The following PTPRF variants were observed in gnomAD, a reference collection of about 807,000 sequenced individuals.
PTPRF encodes the protein protein tyrosine phosphatase receptor type F.
PTPRF carries 59 observed loss-of-function variants against 201.8 expected under a neutral mutation model. The observed-to-expected ratio is 0.29, with a 90% CI of 0.24 to 0.36. The LOEUF is 0.36. PTPRF is among the 10% of genes least tolerant of loss of function. The probability of loss-of-function intolerance (pLI) is 1.00; values close to 1 mark genes in which losing one functional copy is unlikely to be tolerated. For synonymous variants in PTPRF, 1,088 were observed against 1,089.7 expected, an observed-to-expected ratio of 1.00 and a Z score of 0.03; for missense variants, 2,132 against 2,690.5, an observed-to-expected ratio of 0.79 and a Z score of 4.59.
intron 2 of PTPRF, among the ~76,000 whole-genome samples, chr1:43,540,574 C>T (rs895938905): frequency 6.6e-6 from 1 of 152,326 alleles, no homozygotes; most frequent in East Asian, 1.9e-4. Flanking sequence ...GGTCATTTGC[C>T]TCCAGAGTTA....
Position 43,603,561 on chromosome 1 carries a change from G to A in PTPRF, c.2458+28G>A, listed in dbSNP as rs1654312928. 1.9e-6 allele frequency: 3 copies of A among 1,612,990 alleles called. No homozygotes were observed. Among genetic ancestry groups the A allele is most frequent in the African/African-American group, 1.3e-5 (1 of 74,894 alleles). ...GAGTGAGGGGTCAGGACGGACCTGA[G>A]GGTGGGGCAGCAGGAGGGCAGCGCC... On this transcript the variant is annotated intron_variant, in intron 15 of 33. Transcript: ENST00000359947. This position sits in a 1 kb window ranked among gnomAD's most constrained non-coding sequence, Gnocchi z 5.8.
chr1:43,578,252 G>C (rs1236285062), intron 6 of PTPRF, among the ~76,000 whole-genome samples: 1 of 152,236 alleles, frequency 6.6e-6, no homozygotes, highest in Non-Finnish European at 1.5e-5. Flanking sequence ...GGCGGGGAGG[G>C]GGTGGAGTAG....
rs552692335 is a variant in PTPRF, at chr1:43,570,486, T to G, written c.568+708T>G. On this transcript the variant is annotated intron_variant, in intron 6 of 33. Coordinates refer to ENST00000359947, the MANE Select transcript of PTPRF (RefSeq NM_002840.5). Reference sequence around the variant, plus strand: ...CAGCACGGCCTGGACCAATAGTCTTTGCTTCAGAAGCCCTCCTGCTAGCTA... The same window carrying G: ...CAGCACGGCCTGGACCAATAGTCTTGGCTTCAGAAGCCCTCCTGCTAGCTA... Among the ~76,000 whole-genome samples the G allele has an allele frequency of 4.6e-5, 7 of 152,384 alleles. 1 individual carries two copies. In the South Asian group the frequency reaches 1.4e-3, roughly 32 times the overall value.
At chr1:43,580,968 C>G (rs948724850) in intron 7 of PTPRF, among the ~76,000 whole-genome samples, 2 of 152,258 alleles carry the variant, frequency 1.3e-5, no homozygotes, top group African/African-American at 2.4e-5. Flanking sequence ...TGGATGGACC[C>G]CCGCATTGTC....
At chr1:43,580,074 A>AAT (rs1346580951) in intron 7 of PTPRF, 1 of 151,744 alleles carries the variant, frequency 6.6e-6, no homozygotes, top group Non-Finnish European at 1.5e-5. Flanking sequence ...AAAAAAAAAA[A>AAT]AAAAGTACAA....
At position 43,588,942 on chromosome 1, in the gene PTPRF, C is replaced by G; in HGVS notation, c.891C>G (p.Thr297=). 3 of 1,594,838 alleles carry G rather than the reference C, an allele frequency of 1.9e-6. No individual in the cohort carries two copies. The highest frequency in any genetic ancestry group is 2.6e-6 in the Non-Finnish European group (3 of 1,166,332). ...LSNVVRSANY[T]CVAISSLGMI... Reference sequence around the variant, plus strand: ...ATGTCGTACGCTCTGCCAACTACACCTGTGTGGCCATCTCCTCGCTGGGCA... The same window carrying G: ...ATGTCGTACGCTCTGCCAACTACACGTGTGTGGCCATCTCCTCGCTGGGCA... Residue 297 remains threonine (T), a synonymous_variant, in exon 8 of 34, where the codon ACC becomes ACG. Coordinates refer to ENST00000359947, the MANE Select transcript of PTPRF (RefSeq NM_002840.5). The surrounding 1 kb of genome is among the most constrained non-coding windows in gnomAD (Gnocchi z 5.3).
At chr1:43,605,707 C>G in intron 19 of PTPRF, 85 bp downstream of exon 19, 1 of 1,273,350 alleles carries the variant, frequency 7.9e-7, no homozygotes, top group South Asian at 1.2e-5. Flanking sequence ...GTCCCAGTGA[C>G]TCTCAGATTC....
At chr1:43,601,494 C>T (rs952920651) in intron 13 of PTPRF, among the ~76,000 whole-genome samples, 1 of 152,230 alleles carries the variant, frequency 6.6e-6, no homozygotes, top group Non-Finnish European at 1.5e-5. Flanking sequence ...TGGCCATGTG[C>T]CCTGTTCACC....
At chr1:43,560,783 G>C (rs1645752323) in intron 5 of PTPRF, among the ~76,000 whole-genome samples, 1 of 152,188 alleles carries the variant, frequency 6.6e-6, no homozygotes, top group Non-Finnish European at 1.5e-5. Flanking sequence ...GCACCAGATA[G>C]GGATCCTGCC....
At chr1:43,558,132 G>A (rs1645523154) in intron 5 of PTPRF, among the ~76,000 whole-genome samples, 1 of 152,180 alleles carries the variant, frequency 6.6e-6, no homozygotes. Flanking sequence ...GTACGAGGAG[G>A]GCTGGGGAGG....
chr1:43,526,970 G>C (rs575585515), upstream of PTPRF, among the ~76,000 whole-genome samples: 2 of 152,198 alleles, frequency 1.3e-5, no homozygotes, highest in African/African-American at 4.8e-5. Flanking sequence ...ATGGATGATC[G>C]GAGGGAGCTG....
intron 13 of PTPRF, 70 bp downstream of exon 13, chr1:43,598,983 C>A: frequency 1.3e-6 from 2 of 1,504,268 alleles, no homozygotes; most frequent in African/African-American, 1.4e-5. Flanking sequence ...CCTTTTGGGG[C>A]CCAGATATGT....
At chr1:43,579,012 A>G in intron 7 of PTPRF, 92 bp downstream of exon 7, 2 of 1,150,166 alleles carry the variant, frequency 1.7e-6, no homozygotes, top group Admixed American at 1.8e-5. Flanking sequence ...GCAGACACGC[A>G]AGGGACTGCC....
Position 43,588,954 on chromosome 1 carries a change from C to T in PTPRF, c.903C>T (p.Ile301=). 1 of 1,585,126 alleles carries T rather than the reference C, an allele frequency of 6.3e-7. No individual in the cohort carries two copies. Among genetic ancestry groups the T allele is most frequent in the Non-Finnish European group, 8.6e-7 (1 of 1,160,820 alleles). ...CTGCCAACTACACCTGTGTGGCCAT[C>T]TCCTCGCTGGGCATGATCGAGGCCA... ...VRSANYTCVA[I]SSLGMIEATA... The change falls in exon 8 of 34, where the codon ATC becomes ATT. Residue 301 remains isoleucine (I), a synonymous_variant. Transcript: ENST00000359947. The surrounding 1 kb of genome is among the most constrained non-coding windows in gnomAD (Gnocchi z 5.3).
chr1:43,533,909 G>T (rs1037599043), intron 1 of PTPRF, among the ~76,000 whole-genome samples: 1 of 152,182 alleles, frequency 6.6e-6, no homozygotes, highest in African/African-American at 2.4e-5. Flanking sequence ...CTTCCTTTGG[G>T]ACTAACAGCT....
rs1645237636 is a variant in PTPRF at position 43,554,735 on chromosome 1, A to G, written c.379+794A>G. Among the ~76,000 whole-genome samples the G allele has an allele frequency of 6.6e-6, 1 of 152,178 alleles. No homozygotes were observed. Among genetic ancestry groups the G allele is most frequent in the African/African-American group, 2.4e-5 (1 of 41,434 alleles). On this transcript the variant is annotated intron_variant, in intron 5 of 33. Transcript: ENST00000359947. This position sits in a 1 kb window ranked among gnomAD's most constrained non-coding sequence, Gnocchi z 4.1. ...TCTCCTAGGGACATAGGAAGCCACA[A>G]ACAAGGCGGGGGTGACATGATCAGA...
chr1:43,553,285 T>C lies in PTPRF; in HGVS notation c.92-207T>C, dbSNP rs997310139. ...TCTGGGCCTCTAGAAACAGATACAGTTATAGCACTCACCTCATATGCTTAA... is the reference window on the plus strand; with the variant it reads ...TCTGGGCCTCTAGAAACAGATACAGCTATAGCACTCACCTCATATGCTTAA... On this transcript the variant is annotated intron_variant, in intron 3 of 33. Coordinates refer to ENST00000359947, the MANE Select transcript of PTPRF (RefSeq NM_002840.5). The surrounding 1 kb of genome is among the most constrained non-coding windows in gnomAD (Gnocchi z 4.1). 4.6e-5 allele frequency among the ~76,000 whole-genome samples: 7 copies of C among 152,226 alleles called. No homozygotes were observed. The East Asian group carries it at 1.2e-3, about 25-fold the overall frequency.
chr1:43,614,802 A>C (rs930575790), intron 23 of PTPRF, among the ~76,000 whole-genome samples: 2 of 152,180 alleles, frequency 1.3e-5, no homozygotes, highest in African/African-American at 2.4e-5. Context: ...CGTTGAGCCA[A>C]GGTCATGCCA....
At position 43,613,678 on chromosome 1, in the gene PTPRF, A is replaced by G. The variant is rs202114940; in HGVS notation, c.4034A>G (p.Lys1345Arg). 15 of 1,614,160 alleles carry G rather than the reference A, an allele frequency of 9.3e-6. No individual in the cohort carries two copies. The highest frequency in any genetic ancestry group is 3.3e-5 in the South Asian group (3 of 91,082). The change falls in exon 23 of 34, where the codon AAA becomes AGA. Residue 1345 changes from lysine (K) to arginine (R), a missense_variant. Physicochemically the swap from Lys to Arg is conservative, Grantham distance 26 (BLOSUM62 2). This residue lies in a region of PTPRF where 818 missense variants were observed against 915.3 expected (regional missense o/e 0.89). Transcript: ENST00000359947. ...CTGGCGGACAACATCGAGCGCCTCA[A>G]AGCCAACGATGGCCTCAAGTTCTCC... is the stretch of plus-strand genomic sequence containing the variant. ...TDLADNIERLKANDGLKFSQE... is the reference protein window; with the variant it reads ...TDLADNIERLRANDGLKFSQE...
Sources: allele counts gnomAD v4.1 joint callset (sites outside exome capture counted in the v4.1 genomes callset), GRCh38; gene constraint gnomAD v4.1.1; regional missense constraint gnomAD v4.1.1; non-coding constraint Gnocchi (gnomAD v3.1); transcripts MANE v1.5; gene names NCBI Gene and HGNC (gene_info 2026-07-23, HGNC 2026-07-21).